SDK1: variants seen among roughly 807,000 people sequenced by gnomAD.
SDK1 encodes the protein protein sidekick-1.
A neutral mutation model predicts 245.5 loss-of-function variants in SDK1; 157 were observed. That is an observed-to-expected ratio of 0.64 (90% CI 0.56 to 0.73). The LOEUF (loss-of-function observed/expected upper bound fraction) is 0.73. Ranked by LOEUF, SDK1 falls within the 30% of genes least tolerant of loss-of-function variation. The pLI is 0.00. For synonymous variants in SDK1, 1,647 were observed against 1,278.5 expected, an observed-to-expected ratio of 1.29 and a Z score of -6.15; for missense variants, 3,583 against 3,002.3, an observed-to-expected ratio of 1.19 and a Z score of -4.52.
chr7:4,143,021 G>T (rs1284758960), intron 28 of SDK1, among the ~76,000 whole-genome samples: 1 of 152,120 alleles, frequency 6.6e-6, no homozygotes, highest in East Asian at 1.9e-4. Context: ...ATTTTAAGGG[G>T]GAACTCCGAC....
chr7:4,219,007 A>G (rs928439570), intron 38 of SDK1, among the ~76,000 whole-genome samples: 2 of 152,096 alleles, frequency 1.3e-5, no homozygotes, highest in African/African-American at 4.8e-5. Context: ...CTAAAATGTG[A>G]AATCTCCATT....
At chr7:3,489,707 T>G (rs774003581) in intron 1 of SDK1, among the ~76,000 whole-genome samples, 2 of 152,236 alleles carry the variant, frequency 1.3e-5, no homozygotes, top group African/African-American at 2.4e-5. Context: ...AAAAATAAAG[T>G]AGCTTTTCTT....
At chr7:3,751,456 G>T (rs531013555) in intron 4 of SDK1, among the ~76,000 whole-genome samples, 2 of 151,674 alleles carry the variant, frequency 1.3e-5, no homozygotes, top group South Asian at 2.1e-4. Flanking sequence ...GGCGGGGGGT[G>T]GGGGGAGGAG....
chr7:4,060,358 G>T (rs1482054030), intron 19 of SDK1, among the ~76,000 whole-genome samples: 1 of 152,076 alleles, frequency 6.6e-6, no homozygotes, highest in Non-Finnish European at 1.5e-5. Context: ...TAGAAGGAAA[G>T]ATATAATAAA....
intron 5 of SDK1, among the ~76,000 whole-genome samples, chr7:3,922,364 A>G (rs574069833): frequency 1.3e-5 from 2 of 152,318 alleles, no homozygotes; most frequent in South Asian, 2.1e-4. Context: ...CACTGACGTC[A>G]TATTGGGAGC....
At chr7:3,509,410 G>T (rs565090108) in intron 1 of SDK1, among the ~76,000 whole-genome samples, 68 of 152,138 alleles carry the variant, frequency 4.5e-4, no homozygotes, top group Non-Finnish European at 9.0e-4. Flanking sequence ...TGTTTCCTCA[G>T]TTGTAAGACA....
At chr7:3,400,323 A>G (rs998384900) in intron 1 of SDK1, among the ~76,000 whole-genome samples, 3 of 152,170 alleles carry the variant, frequency 2.0e-5, no homozygotes, top group South Asian at 4.1e-4. Context: ...CAGAATTTTC[A>G]AAAAAGTTGA....
chr7:3,852,776 A>AAAAAAT (rs1554271425), intron 5 of SDK1, among the ~76,000 whole-genome samples: 1 of 142,632 alleles, frequency 7.0e-6, no homozygotes, highest in African/African-American at 2.6e-5. Context: ...AAAAAAAAAA[A>AAAAAAT]TTTTTTTCCT....
intron 1 of SDK1, among the ~76,000 whole-genome samples, chr7:3,336,631 G>A (rs1381663860): frequency 6.6e-6 from 1 of 150,946 alleles, no homozygotes; most frequent in Non-Finnish European, 1.5e-5. Context: ...GGTATAAATA[G>A]GGCCCCCGGG....
chr7:4,173,092 C>T (rs1478209935), intron 32 of SDK1, among the ~76,000 whole-genome samples: 1 of 152,236 alleles, frequency 6.6e-6, no homozygotes, highest in Non-Finnish European at 1.5e-5. Context: ...GATGGTGCTG[C>T]GGTGTGGGTG....
chr7:3,577,774 G>T (rs1025721390), intron 1 of SDK1, among the ~76,000 whole-genome samples: 3 of 152,002 alleles, frequency 2.0e-5, no homozygotes, highest in Non-Finnish European at 4.4e-5. Flanking sequence ...TTCAGCTTTT[G>T]TATGGTCATA....
intron 38 of SDK1, among the ~76,000 whole-genome samples, chr7:4,219,810 C>T (rs1562448681): frequency 6.7e-6 from 1 of 149,246 alleles, no homozygotes; most frequent in African/African-American, 2.5e-5. Flanking sequence ...CCCCCGCCCC[C>T]GCTCCTCCCT....
intron 1 of SDK1, among the ~76,000 whole-genome samples, chr7:3,414,274 T>C (rs947080945): frequency 6.6e-6 from 1 of 152,044 alleles, no homozygotes; most frequent in Non-Finnish European, 1.5e-5. Flanking sequence ...CTAGGGCATT[T>C]TCTGAGACGA....
At chr7:4,262,396 G>A (rs1208579595) in intron 44 of SDK1, among the ~76,000 whole-genome samples, 3 of 151,294 alleles carry the variant, frequency 2.0e-5, no homozygotes, top group Non-Finnish European at 2.9e-5. Context: ...TTTGCTTTCA[G>A]AAAATGAACC....
intron 1 of SDK1, among the ~76,000 whole-genome samples, chr7:3,386,947 C>G (rs942439969): frequency 6.6e-6 from 1 of 152,166 alleles, no homozygotes; most frequent in Non-Finnish European, 1.5e-5. Flanking sequence ...CCAGAGAGCT[C>G]CATGAATCAT....
chr7:4,050,386 T>C (rs1789360721), intron 18 of SDK1, among the ~76,000 whole-genome samples: 1 of 152,162 alleles, frequency 6.6e-6, no homozygotes, highest in Non-Finnish European at 1.5e-5. Context: ...TGAAAGAAAA[T>C]CATATTGATC....
chr7:3,787,517 A>T (rs1387058692), intron 4 of SDK1, among the ~76,000 whole-genome samples: 4 of 152,074 alleles, frequency 2.6e-5, no homozygotes, highest in Non-Finnish European at 5.9e-5. Flanking sequence ...GAGCAATTCT[A>T]GAAAAACTAA....
At chr7:4,126,955 C>T (rs1430585045) in intron 25 of SDK1, among the ~76,000 whole-genome samples, 2 of 152,178 alleles carry the variant, frequency 1.3e-5, no homozygotes, top group Non-Finnish European at 2.9e-5. Flanking sequence ...ACCCTCCCTT[C>T]CCCTTCTTTT....
rs559836608 is a variant in SDK1 at position 3,883,622 on chromosome 7, C to T, written c.847+62039C>T. 2.8e-4 allele frequency among the ~76,000 whole-genome samples: 42 copies of T among 152,212 alleles called. No individual in the cohort carries two copies. In the Middle Eastern group the frequency reaches 0.014, roughly 49 times the overall value. On this transcript the variant is annotated intron_variant, in intron 5 of 44. Transcript: ENST00000404826. ...ATCGTGCAGGCCTTTGACCTCTGTT[C>T]GAAGAAATCAAAACTGTGCCATGAA...
Sources: gnomAD v4.1 joint callset for allele counts (sites outside exome capture counted in the v4.1 genomes callset) on GRCh38, gnomAD v4.1.1 for gene constraint, MANE v1.5 for transcripts, NCBI Gene and HGNC (gene_info 2026-07-23, HGNC 2026-07-21) for gene names.